Variants in PLPP3 observed in about 807,000 individuals in gnomAD.
PLPP3 encodes the protein phospholipid phosphatase 3.
Under a neutral mutation model 29.6 loss-of-function variants are expected in PLPP3, and 6 were observed. That is an observed-to-expected ratio of 0.20 (90% confidence interval 0.11 to 0.40). The LOEUF (loss-of-function observed/expected upper bound fraction) is 0.40, where lower values mean the gene tolerates loss of function less well. Among genes scored for constraint, PLPP3 ranks in the 10% least tolerant of loss-of-function variants. The pLI, the probability that PLPP3 is intolerant of heterozygous loss-of-function variation, is 1.00. For synonymous variants in PLPP3, 152 were observed against 159.7 expected, an observed-to-expected ratio of 0.95 and a Z score of 0.36; for missense variants, 308 against 407.7, an observed-to-expected ratio of 0.76 and a Z score of 2.11.
chr1:56,499,350 G>A (rs7515616), intron 5 of PLPP3, among the ~76,000 whole-genome samples: 144,833 of 152,238 alleles, frequency 0.95, 69,320 homozygotes, highest in East Asian at 1. Context: ...ATGCTCTCCC[G>A]TGTGTCCAAA....
chr1:56,518,064 T>C (rs1200337446), intron 4 of PLPP3, among the ~76,000 whole-genome samples: 1 of 152,026 alleles, frequency 6.6e-6, no homozygotes, highest in Admixed American at 6.6e-5. Context: ...TCTTTTGGTG[T>C]CCCCAGGCAC....
intron 1 of PLPP3, among the ~76,000 whole-genome samples, chr1:56,568,687 G>A (rs112900954): frequency 0.083 from 12,675 of 151,944 alleles, 963 homozygotes; most frequent in East Asian, 0.24. Flanking sequence ...GTGCAGTGGC[G>A]TGATCTCGGC....
chr1:56,500,407 G>C (rs1645659409), intron 5 of PLPP3, among the ~76,000 whole-genome samples: 1 of 152,184 alleles, frequency 6.6e-6, no homozygotes, highest in South Asian at 2.1e-4. Context: ...TCTCCTAAAG[G>C]TTGTCTATTT....
intron 1 of PLPP3, among the ~76,000 whole-genome samples, chr1:56,541,336 T>C (rs936142528): frequency 7.9e-5 from 12 of 151,962 alleles, no homozygotes; most frequent in African/African-American, 2.2e-4. Context: ...CTAGAGGAGA[T>C]GAAGGGAATG....
In PLPP3 at chr1:56,524,808, G is replaced by A. The variant is rs1389808572; in HGVS notation, c.298-254C>T. ...TATATTTATATGTATATATGTGTAT[G>A]TGTGTGTGTGTGTGTGTGTGTGTGT... On this transcript the variant is annotated intron_variant, in intron 2 of 5. Transcript: ENST00000371250. The surrounding 1 kb of genome is among the most constrained non-coding windows in gnomAD (Gnocchi z 4.3). Among the ~76,000 whole-genome samples, 4 of 50,222 alleles carry A rather than the reference G, an allele frequency of 8.0e-5. No individual in the cohort carries two copies. In the Admixed American group the frequency reaches 8.2e-4, roughly 10 times the overall value. 32.9% of individuals were successfully genotyped at this position (50,222 alleles called of 152,430 possible).
chr1:56,523,460 G>A (rs527959384), intron 4 of PLPP3, among the ~76,000 whole-genome samples: 1 of 152,120 alleles, frequency 6.6e-6, no homozygotes, highest in Non-Finnish European at 1.5e-5. Context: ...AGAGTAAGTG[G>A]TTTTTGCCAT....
intron 4 of PLPP3, among the ~76,000 whole-genome samples, chr1:56,518,963 T>C (rs907027582): frequency 4.0e-5 from 6 of 150,954 alleles, no homozygotes; most frequent in Admixed American, 1.3e-4. Context: ...GAGGAGGGGG[T>C]TGTCATTCTA....
rs979834627 is a variant in PLPP3 at position 56,528,979 on chromosome 1, C to A, written c.298-4425G>T. Among the ~76,000 whole-genome samples the A allele has an allele frequency of 2.0e-5, 3 of 151,906 alleles. No homozygotes were observed. In the South Asian group the frequency reaches 6.3e-4, roughly 32 times the overall value. On this transcript the variant is annotated intron_variant, in intron 2 of 5. Transcript: ENST00000371250. ...CAAGAAAAGTAATATTTTTGCACAG[C>A]AGCCTAACAATCTCTTTCAGAGACT... is the stretch of plus-strand genomic sequence containing the variant.
intron 1 of PLPP3, chr1:56,538,683 CA>C: frequency 1.9e-5 from 5 of 259,228 alleles, no homozygotes; most frequent in Non-Finnish European, 3.8e-5. Context: ...CTGTTGTAAA[CA>C]AAAAAGTTAA....
chr1:56,534,586 T>G (rs925951841), intron 2 of PLPP3, among the ~76,000 whole-genome samples: 1 of 152,168 alleles, frequency 6.6e-6, no homozygotes, highest in African/African-American at 2.4e-5. Context: ...CCTCCACGTC[T>G]GTCACTCTTG....
At chr1:56,518,715 T>TTATATA (rs145573744) in intron 4 of PLPP3, among the ~76,000 whole-genome samples, 7,293 of 126,568 alleles carry the variant, frequency 0.058, 488 homozygotes, top group African/African-American at 0.085. Context: ...TTTTAATCAT[T>TTATATA]TATATATATA....
In PLPP3 at chr1:56,554,078, T is replaced by TTA. The variant is rs1553139049; in HGVS notation, c.140-16967_140-16966insTA. On this transcript the variant is annotated intron_variant, in intron 1 of 5. Coordinates refer to ENST00000371250, the MANE Select transcript of PLPP3 (RefSeq NM_003713.5). ...TTCCCCCCCACTTTGGCTTTTTTTT[T>TTA]AATGAGACTCGAGTGGGTGATTGAG... Among the ~76,000 whole-genome samples the TTA allele has an allele frequency of 4.6e-5, 7 of 152,136 alleles. No homozygotes were observed. The South Asian group carries it at 1.5e-3, about 32-fold the overall frequency.
chr1:56,508,827 C>T (rs930085257), intron 5 of PLPP3, among the ~76,000 whole-genome samples: 6 of 151,846 alleles, frequency 4.0e-5, no homozygotes, highest in Non-Finnish European at 5.9e-5. Flanking sequence ...CTCTGGTTCC[C>T]CACACCTCCT....
chr1:56,515,874 CT>C (rs1645777154), intron 4 of PLPP3, among the ~76,000 whole-genome samples: 1 of 152,146 alleles, frequency 6.6e-6, no homozygotes, highest in Admixed American at 6.5e-5. Flanking sequence ...GTCTCCTTCT[CT>C]GTAAAATAGG....
chr1:56,535,980 T>C lies in PLPP3; in HGVS notation c.297+975A>G, dbSNP rs1645924170. Among the ~76,000 whole-genome samples, 2 of 152,178 alleles carry C rather than the reference T, an allele frequency of 1.3e-5. 1 individual carries two copies. Among genetic ancestry groups the C allele is most frequent in the South Asian group, 4.1e-4 (2 of 4,830 alleles). ...CAATGATCCACCTAATTCACATAGC[T>C]ACGAGAGGCTCTGAAGAGTGTCTCT... On this transcript the variant is annotated intron_variant, in intron 2 of 5. Transcript: ENST00000371250.
In PLPP3 at chr1:56,569,112, C is replaced by A. The variant is rs141229574; in HGVS notation, c.139+9766G>T. On this transcript the variant is annotated intron_variant, in intron 1 of 5. Transcript: ENST00000371250. The stretch of plus-strand genomic sequence containing the variant: ...CCTCCAATCTTTTCATGAATATGTT[C>A]ATTCCAAAGGTCTTTTATAAAACTA... 1.3e-3 allele frequency among the ~76,000 whole-genome samples: 196 copies of A among 152,214 alleles called. 1 individual carries two copies. The highest frequency in any genetic ancestry group is 4.2e-3 in the African/African-American group (176 of 41,540).
chr1:56,519,718 A>T (rs1645805630), intron 4 of PLPP3, among the ~76,000 whole-genome samples: 2 of 150,746 alleles, frequency 1.3e-5, no homozygotes, highest in Non-Finnish European at 3.0e-5. Flanking sequence ...TATAAAGCAT[A>T]CTTTGTGCTT....
chr1:56,529,537 A>T (rs1645873260), intron 2 of PLPP3, among the ~76,000 whole-genome samples: 1 of 152,166 alleles, frequency 6.6e-6, no homozygotes, highest in Non-Finnish European at 1.5e-5. Context: ...TCGTGAAGGG[A>T]GAATCACATT....
chr1:56,544,434 T>C (rs1342203166), intron 1 of PLPP3, among the ~76,000 whole-genome samples: 1 of 152,226 alleles, frequency 6.6e-6, no homozygotes. Flanking sequence ...CAGGTAAAGC[T>C]GAGTCACTTC....
Sources: gnomAD v4.1 joint callset for allele counts (sites outside exome capture counted in the v4.1 genomes callset) on GRCh38, gnomAD v4.1.1 for gene constraint, Gnocchi (gnomAD v3.1) non-coding constraint, MANE v1.5 for transcripts, NCBI Gene and HGNC (gene_info 2026-07-23, HGNC 2026-07-21) for gene names.